NOMO3: variants seen among roughly 807,000 people sequenced by gnomAD.
NOMO3 encodes the protein BOS complex subunit NOMO3.
In NOMO3, 15 loss-of-function variants were observed where a neutral mutation model predicts 69.9. The observed-to-expected ratio is 0.21, with a 90% CI of 0.14 to 0.33. The LOEUF (loss-of-function observed/expected upper bound fraction) is 0.33, where lower values mean the gene tolerates loss of function less well. Ranked by LOEUF, NOMO3 falls within the 10% of genes least tolerant of loss-of-function variation. The pLI is 1.00. For missense variants in NOMO3, 218 were observed against 761.0 expected, an observed-to-expected ratio of 0.29 and a Z score of 8.39; for synonymous variants, 89 against 301.9, an observed-to-expected ratio of 0.29 and a Z score of 7.31.
At position 16,232,584 on chromosome 16, in the gene NOMO3, G is replaced by C; in HGVS notation, c.-83G>C. The C allele has an allele frequency of 1.3e-6, 1 of 798,266 alleles. No homozygotes were observed. The highest frequency in any genetic ancestry group is 3.6e-5 in the East Asian group (1 of 27,588). The allele number at this position is 798,266 out of a possible 1,614,324, so 49.4% of individuals were successfully genotyped here. A position where few individuals can be genotyped will look rare whatever the true frequency, so the allele number is the denominator to read the frequency against. On this transcript the variant is annotated 5_prime_UTR_variant, in exon 1 of 31. Coordinates refer to ENST00000399336, the MANE Select transcript of NOMO3 (RefSeq NM_001004067.4). ...GGGGCCTGGGCTGTCAGCCGGCCTAGGAGGAGGAAGGAGCCTGCGGCGTGC... is the reference window on the plus strand; with the variant it reads ...GGGGCCTGGGCTGTCAGCCGGCCTACGAGGAGGAAGGAGCCTGCGGCGTGC...
rs1434505263 is a variant in NOMO3, at chr16:16,260,718, C to T, written c.1221-784C>T. 1.4e-5 allele frequency: 2 copies of T among 141,538 alleles called. 1 individual carries two copies. Among genetic ancestry groups the T allele is most frequent in the East Asian group, 4.6e-4 (2 of 4,388 alleles). The allele number at this position is 141,538 out of a possible 1,614,324, so 8.8% of individuals were successfully genotyped here. On this transcript the variant is annotated intron_variant, in intron 11 of 30. Coordinates refer to ENST00000399336, the MANE Select transcript of NOMO3 (RefSeq NM_001004067.4). Reference sequence around the variant, plus strand: ...TGAACAGTTGAAAAGACAACTGTGACCCCCAGCTAGGATGTACTATTACAC... The same window carrying T: ...TGAACAGTTGAAAAGACAACTGTGATCCCCAGCTAGGATGTACTATTACAC...
intron 9 of NOMO3, among the ~76,000 whole-genome samples, chr16:16,252,851 T>TA (rs1335623662): frequency 1.6e-5 from 2 of 124,166 alleles, no homozygotes; most frequent in South Asian, 2.6e-4. Context: ...TTTTTTTTTT[T>TA]AAGACAGGGT....
chr16:16,268,607 G>GGT (rs1425820130), intron 16 of NOMO3, among the ~76,000 whole-genome samples: 1 of 142,478 alleles, frequency 7.0e-6, no homozygotes, highest in African/African-American at 2.9e-5. Context: ...TGTCCTTCTG[G>GGT]GTGTCAGTTC....
Position 16,252,896 on chromosome 16 carries a change from C to T in NOMO3, c.963+374C>T, listed in dbSNP as rs546772844. ...TGGCTCAAGCTGGAGTGCAGTGGTACGATCTCATCTCACTGCAGCCATTGC... is the reference window on the plus strand; with the variant it reads ...TGGCTCAAGCTGGAGTGCAGTGGTATGATCTCATCTCACTGCAGCCATTGC... On this transcript the variant is annotated intron_variant, in intron 9 of 30. Coordinates refer to ENST00000399336, the MANE Select transcript of NOMO3 (RefSeq NM_001004067.4). Among the ~76,000 whole-genome samples, 166 of 131,918 alleles carry T rather than the reference C, an allele frequency of 1.3e-3. 30 individuals carry two copies. The highest frequency in any genetic ancestry group is 5.3e-3 in the African/African-American group (153 of 28,752). 86.5% of individuals were successfully genotyped at this position (131,918 alleles called of 152,430 possible).
rs533249621 is a variant in NOMO3, at chr16:16,236,241, A to G, written c.166-660A>G. Among the ~76,000 whole-genome samples, 2 of 145,350 alleles carry G rather than the reference A, an allele frequency of 1.4e-5. 1 individual carries two copies. Among genetic ancestry groups the G allele is most frequent in the East Asian group, 4.5e-4 (2 of 4,434 alleles). On this transcript the variant is annotated intron_variant, in intron 1 of 30. Transcript: ENST00000399336. ...GCCCCAGGAATTTGCAATTTATTTT[A>G]CTTTATTTTATTATTATTTTTGAGA...
rs566095561 is a variant in NOMO3 at position 16,267,382 on chromosome 16, T to C, written c.1894+251T>C. On this transcript the variant is annotated intron_variant, in intron 16 of 30. Transcript: ENST00000399336. ...TAGAGCTGTTTTAAAATTTGAATCA[T>C]TTCCCACTTTGCTTAAAATCTTTCA... 2 of 472,548 alleles carry C rather than the reference T, an allele frequency of 4.2e-6. 1 individual carries two copies. Among genetic ancestry groups the C allele is most frequent in the South Asian group, 7.1e-5 (2 of 28,300 alleles). 29.3% of individuals were successfully genotyped at this position (472,548 alleles called of 1,614,324 possible). A position where few individuals can be genotyped will look rare whatever the true frequency, so the allele number is the denominator to read the frequency against.
In NOMO3 at chr16:16,268,588, C is replaced by T. The variant is rs536654776; in HGVS notation, c.1894+1457C>T. Among the ~76,000 whole-genome samples, 40 of 143,130 alleles carry T rather than the reference C, an allele frequency of 2.8e-4. 8 individuals carry two copies. The highest frequency in any genetic ancestry group is 1.1e-3 in the African/African-American group (39 of 34,514). 93.9% of individuals were successfully genotyped at this position (143,130 alleles called of 152,430 possible). A position where few individuals can be genotyped will look rare whatever the true frequency, so the allele number is the denominator to read the frequency against. ...GCCCTGTCTGCCACTGTCTCTACTC[C>T]AGCCACTCTGTCCTTCTGGGTGTCA... On this transcript the variant is annotated intron_variant, in intron 16 of 30. Coordinates refer to ENST00000399336, the MANE Select transcript of NOMO3 (RefSeq NM_001004067.4).
In NOMO3 at chr16:16,269,245, A is replaced by G. The variant is rs1347389417; in HGVS notation, c.1895-876A>G. Among the ~76,000 whole-genome samples the G allele has an allele frequency of 4.3e-5, 6 of 140,928 alleles. 1 individual carries two copies. The highest frequency in any genetic ancestry group is 1.8e-4 in the African/African-American group (6 of 33,370). The allele number at this position is 140,928 out of a possible 152,430, so 92.5% of individuals were successfully genotyped here. A position where few individuals can be genotyped will look rare whatever the true frequency, so the allele number is the denominator to read the frequency against. ...CTATCCCCTTCTTGCATGTGCCACA[A>G]TTGATATGTTTGTGGCTGTCAAATG... On this transcript the variant is annotated intron_variant, in intron 16 of 30. Transcript: ENST00000399336.
At chr16:16,245,490 AC>A (rs1165339668) in intron 5 of NOMO3, among the ~76,000 whole-genome samples, 1 of 143,632 alleles carries the variant, frequency 7.0e-6, no homozygotes, top group Non-Finnish European at 1.5e-5. Context: ...GGAGTTCGAG[AC>A]CAGCCTGGAC....
rs561171555 is a variant in NOMO3, at chr16:16,237,215, G to A, written c.255+225G>A. ...GGACCATTTGGCAATGTCTAGAGAC[G>A]TTTTTGTTGTGACATCTGTGGCTGT... On this transcript the variant is annotated intron_variant, in intron 2 of 30. Transcript: ENST00000399336. Among the ~76,000 whole-genome samples the A allele has an allele frequency of 2.6e-4, 37 of 144,922 alleles. 6 individuals carry two copies. The highest frequency in any genetic ancestry group is 4.3e-4 in the South Asian group (2 of 4,602).
At chr16:16,233,503 T>TG (rs2049299327) in intron 1 of NOMO3, among the ~76,000 whole-genome samples, 1 of 49,460 alleles carries the variant, frequency 2.0e-5, no homozygotes, top group Admixed American at 2.0e-4. Context: ...GTGCTGAAGG[T>TG]TTTTTTTTTT....
intron 3 of NOMO3, 56 bp from the exon 4 acceptor site, chr16:16,243,105 A>G (rs1204583007): frequency 5.8e-6 from 4 of 686,758 alleles, no homozygotes; most frequent in Non-Finnish European, 7.0e-6. Context: ...GTACCCCAAA[A>G]CTAAGCTTGC....
chr16:16,263,597 A>G lies in NOMO3; in HGVS notation c.1622A>G (p.Asn541Ser), dbSNP rs1451694955. The G allele has an allele frequency of 2.7e-6, 2 of 749,802 alleles. No individual in the cohort carries two copies. The highest frequency in any genetic ancestry group is 4.1e-6 in the Non-Finnish European group (2 of 489,550). 46.4% of individuals were successfully genotyped at this position (749,802 alleles called of 1,614,324 possible). A position where few individuals can be genotyped will look rare whatever the true frequency, so the allele number is the denominator to read the frequency against. The change falls in exon 14 of 31, where the codon AAC becomes AGC. Residue 541 changes from asparagine (N) to serine (S), a missense_variant. Asn to Ser is a conservative substitution (Grantham distance 46, BLOSUM62 1). Transcript: ENST00000399336. ...AGCCTCCAGCTCTCCGGCAAGGTCA[A>G]CGCCATGACTTTCACCTTTGACAAC... The part of the protein sequence containing the change: ...KRSLQLSGKV[N>S]AMTFTFDNVL...
intron 1 of NOMO3, among the ~76,000 whole-genome samples, chr16:16,236,284 TC>T (rs1200491961): frequency 2.1e-5 from 3 of 144,178 alleles, no homozygotes; most frequent in African/African-American, 5.6e-5. Flanking sequence ...TTGCTCTGTC[TC>T]CCAGGCTGGA....
intron 9 of NOMO3, among the ~76,000 whole-genome samples, chr16:16,254,948 A>C (rs1324182419): frequency 4.9e-5 from 7 of 143,006 alleles, no homozygotes; most frequent in Non-Finnish European, 7.4e-5. Context: ...TTTGAGACAG[A>C]GTCTTGCTGC....
intron 15 of NOMO3, 86 bp downstream of exon 15, chr16:16,265,265 A>C: frequency 6.3e-7 from 1 of 1,586,518 alleles, no homozygotes; most frequent in Non-Finnish European, 8.5e-7. Context: ...GAATATTGTA[A>C]ACGTAGGCAA....
chr16:16,238,922 C>CA (rs1231571684), intron 2 of NOMO3, among the ~76,000 whole-genome samples: 5 of 133,750 alleles, frequency 3.7e-5, no homozygotes, highest in Middle Eastern at 3.5e-3. Flanking sequence ...TACTAAAATA[C>CA]AAAAAAATTA....
In NOMO3 at chr16:16,254,893, G is replaced by T. The variant is rs544921629; in HGVS notation, c.964-827G>T. Among the ~76,000 whole-genome samples the T allele has an allele frequency of 1.5e-4, 22 of 144,236 alleles. 2 individuals carry two copies. The highest frequency in any genetic ancestry group is 3.0e-4 in the Non-Finnish European group (20 of 67,790). 94.6% of individuals were successfully genotyped at this position (144,236 alleles called of 152,430 possible). ...AGCACGGGACCACGTGTGAGCCAGTGATGGTGGTGGAGGAGGGTGGTCTAG... is the reference window on the plus strand; with the variant it reads ...AGCACGGGACCACGTGTGAGCCAGTTATGGTGGTGGAGGAGGGTGGTCTAG... On this transcript the variant is annotated intron_variant, in intron 9 of 30. Transcript: ENST00000399336.
chr16:16,269,235 A>C (rs1006316939), intron 16 of NOMO3, among the ~76,000 whole-genome samples: 1 of 140,954 alleles, frequency 7.1e-6, no homozygotes, highest in African/African-American at 3.0e-5. Context: ...CCCTTCTTGC[A>C]TGTGCCACAA....
Sources: gnomAD v4.1 joint callset for allele counts (sites outside exome capture counted in the v4.1 genomes callset) on GRCh38, gnomAD v4.1.1 for gene constraint, MANE v1.5 for transcripts, NCBI Gene and HGNC (gene_info 2026-07-23, HGNC 2026-07-21) for gene names.